The following NEK2 variants were observed in gnomAD, a reference collection of about 807,000 sequenced individuals.
NEK2 encodes NIMA related kinase 2.
In NEK2, 28 loss-of-function variants were observed where a neutral mutation model predicts 54.1. That is an observed-to-expected ratio of 0.52 (90% CI 0.38 to 0.71). NEK2 has a LOEUF of 0.71. Ranked by LOEUF, NEK2 falls within the 30% of genes least tolerant of loss-of-function variation. The pLI is 0.00. For synonymous variants in NEK2, 176 were observed against 193.1 expected (o/e 0.91, Z 0.73); for missense variants, 407 against 531.5 (o/e 0.77, Z 2.30).
At position 211,667,050 on chromosome 1, in the gene NEK2, G is replaced by C. The variant is rs1443269719; in HGVS notation, c.1111+56C>G. On this transcript the variant is annotated intron_variant, in intron 7 of 7. Transcript: ENST00000366999. Reference sequence around the variant, plus strand: ...CTAAGCCACTTTGGGAGCAACACTGGTGCACATTTCTTCATTTGTAGCACC... The same window carrying C: ...CTAAGCCACTTTGGGAGCAACACTGCTGCACATTTCTTCATTTGTAGCACC... The C allele has an allele frequency of 1.9e-6, 3 of 1,610,730 alleles. No individual in the cohort carries two copies. The African/African-American group carries it at 4.0e-5, about 22-fold the overall frequency.
chr1:211,674,344 C>T lies in NEK2; in HGVS notation c.266G>A (p.Cys89Tyr). The T allele has an allele frequency of 1.9e-6, 3 of 1,614,078 alleles. No individual in the cohort carries two copies. Among genetic ancestry groups the T allele is most frequent in the Non-Finnish European group, 2.5e-6 (3 of 1,179,938 alleles). Residue 89 changes from cysteine to tyrosine, a missense_variant, in exon 2 of 8, where the codon TGT becomes TAT. Cys to Tyr is a radical substitution (Grantham distance 194, BLOSUM62 -2). Transcript: ENST00000366999. ...TACACTAGCCAGATCCCCTCCTTCA[C>T]AATATTCCATTACAATGTACAGTGT... ...NTTLYIVMEY[C>Y]EGGDLASVIT...
rs974539686 is a variant in NEK2 at position 211,670,217 on chromosome 1, A to G, written c.765+64T>C. On this transcript the variant is annotated intron_variant, in intron 5 of 7. Transcript: ENST00000366999. ...CAGTCTCCATTGATCTACAAGAGAG[A>G]ATGTATGCTCTGACACTTAACTGAC... The G allele has an allele frequency of 1.6e-5, 23 of 1,461,316 alleles. No individual in the cohort carries two copies. In the African/African-American group the frequency reaches 2.8e-4, roughly 18 times the overall value. The allele number at this position is 1,461,316 out of a possible 1,614,324, so 90.5% of individuals were successfully genotyped here. A position where few individuals can be genotyped will look rare whatever the true frequency, so the allele number is the denominator to read the frequency against.
intron 7 of NEK2, among the ~76,000 whole-genome samples, chr1:211,664,503 T>C (rs577064404): frequency 6.2e-4 from 95 of 152,132 alleles, no homozygotes; most frequent in African/African-American, 2.1e-3. Flanking sequence ...TTAGGAAAAA[T>C]AGCTCTGGAA....
chr1:211,658,862 C>T (rs1414511670), downstream of NEK2: 3 of 252,950 alleles, frequency 1.2e-5, no homozygotes, highest in Non-Finnish European at 2.4e-5. Context: ...ACCATAACAA[C>T]CTAAGATTCT....
chr1:211,673,054 C>A (rs1443781821), intron 3 of NEK2, among the ~76,000 whole-genome samples: 1 of 151,054 alleles, frequency 6.6e-6, no homozygotes, highest in Non-Finnish European at 1.5e-5. Context: ...CAATTCTTGG[C>A]TACTAGATAT....
chr1:211,667,430 T>G (rs1655216563), intron 6 of NEK2, among the ~76,000 whole-genome samples, 199 bp from the exon 7 acceptor site: 1 of 152,262 alleles, frequency 6.6e-6, no homozygotes, highest in South Asian at 2.1e-4. Context: ...TATGTTATCT[T>G]AGATTTTCTT....
At chr1:211,661,217 T>C (rs367994172), downstream of NEK2, 583 of 716,628 alleles carry the variant, frequency 8.1e-4, 4 homozygotes, top group Middle Eastern at 2.4e-3. Context: ...CCTGTTTTTC[T>C]TGGGCATAAG....
intron 6 of NEK2, among the ~76,000 whole-genome samples, 176 bp downstream of exon 6, chr1:211,668,937 G>A (rs137971989): frequency 6.6e-6 from 1 of 152,296 alleles, no homozygotes; most frequent in African/African-American, 2.4e-5. Flanking sequence ...ACATGAAGGT[G>A]CCAGCAAGCC....
chr1:211,661,091 G>A (rs1558225436), downstream of NEK2: 8 of 744,640 alleles, frequency 1.1e-5, no homozygotes, highest in Non-Finnish European at 2.0e-5. Flanking sequence ...ACTTGCCTCC[G>A]ATGGCATTGT....
chr1:211,669,057 C>T (rs1428248105), intron 6 of NEK2, 56 bp downstream of exon 6: 18 of 1,428,620 alleles, frequency 1.3e-5, no homozygotes, highest in East Asian at 2.3e-5. Flanking sequence ...TATTCAGACA[C>T]ATCAAAATAA....
At chr1:211,662,452 T>C (rs550184567), downstream of NEK2, among the ~76,000 whole-genome samples, 1 of 152,350 alleles carries the variant, frequency 6.6e-6, no homozygotes, top group East Asian at 1.9e-4. The surrounding 1 kb of genome is among the most constrained non-coding windows in gnomAD (Gnocchi z 4.2). Context: ...GCAGCTGTCC[T>C]GTGCATTGTA....
downstream of NEK2, among the ~76,000 whole-genome samples, chr1:211,658,286 CT>C (rs541693722): frequency 2.9e-3 from 429 of 148,410 alleles, 3 homozygotes; most frequent in African/African-American, 9.8e-3. Flanking sequence ...TATTTATTTA[CT>C]TTTTTTTTTA....
At chr1:211,669,846 C>T (rs1655311237) in intron 5 of NEK2, among the ~76,000 whole-genome samples, 1 of 62,562 alleles carries the variant, frequency 1.6e-5, no homozygotes, top group South Asian at 7.5e-4. Flanking sequence ...TATTGATTTT[C>T]CCTCTGTTTT....
chr1:211,667,075 C>G (rs1655203484), intron 7 of NEK2, 31 bp downstream of exon 7: 1 of 1,612,518 alleles, frequency 6.2e-7, no homozygotes, highest in East Asian at 2.2e-5. Context: ...TTTGTAGCAC[C>G]AGCTTCTGTT....
At position 211,671,291 on chromosome 1, in the gene NEK2, A is replaced by G; in HGVS notation, c.556-7T>C. 6.2e-7 allele frequency: 1 copy of G among 1,601,394 alleles called. No homozygotes were observed. The highest frequency in any genetic ancestry group is 8.6e-7 in the Non-Finnish European group (1 of 1,168,598). ...ACATGCGATTCATTTGTTCCTATACAGGGAAAAAGGGTAAGAAAGTGGAAG... is the reference window on the plus strand; with the variant it reads ...ACATGCGATTCATTTGTTCCTATACGGGGAAAAAGGGTAAGAAAGTGGAAG... On this transcript the variant is annotated splice_polypyrimidine_tract_variant and splice_region_variant and intron_variant, in intron 3 of 7. Coordinates refer to ENST00000366999, the MANE Select transcript of NEK2 (RefSeq NM_002497.4).
At position 211,667,207 on chromosome 1, in the gene NEK2, C is replaced by G. The variant is rs763584429; in HGVS notation, c.1010G>C (p.Arg337Pro). The G allele has an allele frequency of 2.5e-6, 4 of 1,607,454 alleles. No individual in the cohort carries two copies. Among genetic ancestry groups the G allele is most frequent in the East Asian group, 2.2e-5 (1 of 44,594 alleles). Residue 337 changes from arginine to proline, a missense_variant, in exon 7 of 8, where the codon CGT becomes CCT. Transcript: ENST00000366999. ...CAGTTTGTCCTCTGCTAGTCTCTCA[C>G]GAACACAAAGCTCCTGTTCTTTCTC... Reference protein sequence around the residue: ...LEQKEQELCVRERLAEDKLAR... With the variant: ...LEQKEQELCVPERLAEDKLAR...
At chr1:211,667,067 T>G (rs1176978269) in intron 7 of NEK2, 39 bp downstream of exon 7, 2 of 1,612,376 alleles carry the variant, frequency 1.2e-6, no homozygotes, top group Admixed American at 3.3e-5. Context: ...TTTCTTCATT[T>G]GTAGCACCAG....
intron 7 of NEK2, among the ~76,000 whole-genome samples, chr1:211,665,869 G>A (rs1229116711): frequency 2.0e-5 from 3 of 152,118 alleles, no homozygotes; most frequent in Non-Finnish European, 1.5e-5. Context: ...TGCTGCCAAT[G>A]CTCACTAAAT....
At chr1:211,664,361 T>G (rs1655112110) in intron 7 of NEK2, among the ~76,000 whole-genome samples, 1 of 152,172 alleles carries the variant, frequency 6.6e-6, no homozygotes, top group African/African-American at 2.4e-5. Context: ...AAAGGAAATA[T>G]GTTCGAATAT....
Sources: allele counts gnomAD v4.1 joint callset (sites outside exome capture counted in the v4.1 genomes callset), GRCh38; gene constraint gnomAD v4.1.1; non-coding constraint Gnocchi (gnomAD v3.1); transcripts MANE v1.5; gene names NCBI Gene and HGNC (gene_info 2026-07-23, HGNC 2026-07-21).